The following GRM8 variants were observed in gnomAD, a reference collection of about 807,000 sequenced individuals.
GRM8 encodes metabotropic glutamate receptor 8.
In GRM8, 47 loss-of-function variants were observed where a neutral mutation model predicts 87.2. The ratio of observed to expected loss-of-function variants is 0.54; its 90% confidence interval spans 0.43 to 0.69. GRM8 has a LOEUF of 0.69. Ranked by LOEUF, GRM8 falls within the 30% of genes least tolerant of loss-of-function variation. The pLI is 0.00. For synonymous variants in GRM8, 396 were observed against 404.5 expected, an observed-to-expected ratio of 0.98 and a Z score of 0.25; for missense variants, 1,019 against 1,139.2, an observed-to-expected ratio of 0.89 and a Z score of 1.52.
intron 7 of GRM8, among the ~76,000 whole-genome samples, chr7:126,699,165 G>A (rs1809674333): frequency 6.6e-6 from 1 of 152,052 alleles, no homozygotes; most frequent in Non-Finnish European, 1.5e-5. Context: ...TGAATTAATG[G>A]GTTCATCTGT....
At chr7:127,065,205 C>T (rs1820990558) in intron 3 of GRM8, among the ~76,000 whole-genome samples, 1 of 152,178 alleles carries the variant, frequency 6.6e-6, no homozygotes, top group African/African-American at 2.4e-5. Flanking sequence ...AGAACCAGAT[C>T]ATGTTTTTTG....
intron 3 of GRM8, among the ~76,000 whole-genome samples, chr7:126,937,912 C>T (rs543641289): frequency 1.1e-4 from 16 of 152,172 alleles, no homozygotes; most frequent in Admixed American, 3.3e-4. Flanking sequence ...ATATCCTCTA[C>T]GTGGGATGAA....
intron 3 of GRM8, among the ~76,000 whole-genome samples, chr7:127,078,625 A>C (rs1405055409): frequency 6.6e-6 from 1 of 152,268 alleles, no homozygotes; most frequent in African/African-American, 2.4e-5. Context: ...CATGGCTCTT[A>C]GAGACACCCA....
chr7:126,845,350 G>A (rs1291893354), intron 6 of GRM8, among the ~76,000 whole-genome samples: 1 of 152,106 alleles, frequency 6.6e-6, no homozygotes, highest in African/African-American at 2.4e-5. Flanking sequence ...AGGCTCAGGA[G>A]GTTACATATG....
At chr7:127,228,434 C>G (rs1419476909) in intron 2 of GRM8, 1 of 152,180 alleles carries the variant, frequency 6.6e-6, no homozygotes, top group African/African-American at 2.4e-5. Context: ...CTTCAAACAC[C>G]TGAAGGACTG....
chr7:126,957,330 G>A (rs1256363027), intron 3 of GRM8, among the ~76,000 whole-genome samples: 1 of 152,216 alleles, frequency 6.6e-6, no homozygotes, highest in Non-Finnish European at 1.5e-5. Context: ...CCTGTCTGGA[G>A]CAGCTGTGGC....
chr7:126,756,850 T>C (rs2151560992), intron 7 of GRM8, among the ~76,000 whole-genome samples: 1 of 152,196 alleles, frequency 6.6e-6, no homozygotes, highest in South Asian at 2.1e-4. Flanking sequence ...TTCCACTCAA[T>C]TTTGCTGTGA....
In GRM8 at chr7:126,858,513, A is replaced by C. The variant is rs139365197; in HGVS notation, c.1156+44029T>G. ...TAGAAGTCCATTGTTTTGAACTAAG[A>C]TCCTGCACTTGGCTCCAACAGATAA... On this transcript the variant is annotated intron_variant, in intron 6 of 10. Transcript: ENST00000339582. 7.2e-5 allele frequency among the ~76,000 whole-genome samples: 11 copies of C among 152,284 alleles called. No individual in the cohort carries two copies. In the East Asian group the frequency reaches 1.9e-3, roughly 27 times the overall value.
chr7:127,089,276 A>T (rs1586965884), intron 3 of GRM8, among the ~76,000 whole-genome samples: 2 of 152,356 alleles, frequency 1.3e-5, no homozygotes, highest in Admixed American at 6.5e-5. Context: ...GTTGGCAGCC[A>T]CCAAAACCGA....
chr7:126,774,758 T>C (rs1819234429), intron 6 of GRM8, among the ~76,000 whole-genome samples: 2 of 152,266 alleles, frequency 1.3e-5, no homozygotes, highest in Admixed American at 6.5e-5. Flanking sequence ...TGGCAAAACA[T>C]TGTATATGTT....
At chr7:127,132,093 G>A (rs1053350514) in intron 2 of GRM8, among the ~76,000 whole-genome samples, 1 of 152,140 alleles carries the variant, frequency 6.6e-6, no homozygotes, top group African/African-American at 2.4e-5. Context: ...ATTATCTATG[G>A]CAAGCTACAA....
At chr7:126,647,456 T>A (rs1803281158) in intron 7 of GRM8, among the ~76,000 whole-genome samples, 1 of 152,118 alleles carries the variant, frequency 6.6e-6, no homozygotes, top group Admixed American at 6.6e-5. Context: ...TGAAAAATTC[T>A]AGTCAAATAT....
At chr7:127,053,378 C>A (rs937191096) in intron 3 of GRM8, among the ~76,000 whole-genome samples, 7 of 152,164 alleles carry the variant, frequency 4.6e-5, no homozygotes, top group Non-Finnish European at 2.9e-5. Flanking sequence ...AAGTTTTGAA[C>A]TCTTTTGGTT....
chr7:127,245,920 A>G (rs890718860), intron 1 of GRM8, among the ~76,000 whole-genome samples: 4 of 152,228 alleles, frequency 2.6e-5, no homozygotes, highest in African/African-American at 9.6e-5. Context: ...TATCTGGCTC[A>G]TTAAACAGGA....
intron 6 of GRM8, among the ~76,000 whole-genome samples, chr7:126,781,605 A>G (rs1002028358): frequency 6.6e-6 from 1 of 152,234 alleles, no homozygotes; most frequent in African/African-American, 2.4e-5. Flanking sequence ...TTTTGTCAAC[A>G]ATGAAGTATT....
chr7:126,736,483 G>T (rs1299319254), intron 7 of GRM8, among the ~76,000 whole-genome samples: 4 of 151,806 alleles, frequency 2.6e-5, no homozygotes, highest in Non-Finnish European at 4.4e-5. Flanking sequence ...AATTACCTTG[G>T]TAATTAATGT....
At position 126,904,558 on chromosome 7, in the gene GRM8, C is replaced by T. The variant is rs139848455; in HGVS notation, c.853G>A (p.Asp285Asn). The change falls in exon 4 of 11, where the codon GAT becomes AAT. Residue 285 changes from aspartate (D) to asparagine (N), a missense_variant. Asp to Asn is a conservative substitution (Grantham distance 23). Transcript: ENST00000339582. Reference protein sequence around the residue: ...ARAVIMFANEDDIRRILEAAK... With the variant: ...ARAVIMFANENDIRRILEAAK... ...AAAAGTAATCAGCACCTGATGTCAT[C>T]CTCATTGGCAAACATAATCACTGCT... is the stretch of plus-strand genomic sequence containing the variant. 17 of 1,613,528 alleles carry T rather than the reference C, an allele frequency of 1.1e-5. No individual in the cohort carries two copies. The African/African-American group carries it at 2.1e-4, about 20-fold the overall frequency.
Position 126,533,576 on chromosome 7 carries a change from G to A in GRM8, c.1806C>T (p.Ile602=), listed in dbSNP as rs528686724. The A allele has an allele frequency of 1.1e-4, 170 of 1,614,050 alleles. No homozygotes were observed. The South Asian group carries it at 1.6e-3, about 15-fold the overall frequency. The change falls in exon 9 of 11, where the codon ATC becomes ATT. Residue 602 remains isoleucine (I), a synonymous_variant. Transcript: ENST00000339582. The part of the protein sequence containing the change: ...ILGIIATTFV[I]VTFVRYNDTP... ...TGTCATTATAGCGGACAAAGGTCAC[G>A]ATCACAAAGGTGGTGGCGATGATTC...
chr7:126,603,882 C>G (rs1186003105), intron 8 of GRM8, among the ~76,000 whole-genome samples: 1 of 152,086 alleles, frequency 6.6e-6, no homozygotes, highest in Non-Finnish European at 1.5e-5. Context: ...AGTCTTCTCT[C>G]AAACCCTGTT....
Sources: allele counts gnomAD v4.1 joint callset (sites outside exome capture counted in the v4.1 genomes callset), GRCh38; gene constraint gnomAD v4.1.1; transcripts MANE v1.5; gene names NCBI Gene and HGNC (gene_info 2026-07-23, HGNC 2026-07-21).